LARS1: variants seen among roughly 807,000 people sequenced by gnomAD.
LARS1 encodes the protein leucine--tRNA ligase, cytoplasmic.
A neutral mutation model predicts 162.8 loss-of-function variants in LARS1; 100 were observed. That is an observed-to-expected ratio of 0.61 (90% confidence interval 0.52 to 0.73). The LOEUF (loss-of-function observed/expected upper bound fraction) is 0.73, where lower values mean the gene tolerates loss of function less well. Ranked by LOEUF, LARS1 falls within the 30% of genes least tolerant of loss-of-function variation. The pLI is 0.00. For missense variants in LARS1, 1,258 were observed against 1,408.9 expected, an observed-to-expected ratio of 0.89 and a Z score of 1.71; for synonymous variants, 457 against 462.8, an observed-to-expected ratio of 0.99 and a Z score of 0.16.
rs1752244805 is a variant in LARS1, at chr5:146,130,855, T to C, written c.2487+164A>G. On this transcript the variant is annotated intron_variant, in intron 24 of 31. Coordinates refer to ENST00000394434, the MANE Select transcript of LARS1 (RefSeq NM_020117.11). The stretch of plus-strand genomic sequence containing the variant: ...ACAATAGAAAAAATACCAAAGATAA[T>C]AACTTAAAATCACAATTTATTGAAG... 4 of 461,976 alleles carry C rather than the reference T, an allele frequency of 8.7e-6. No individual in the cohort carries two copies. In the East Asian group the frequency reaches 1.4e-4, roughly 16 times the overall value. 28.6% of individuals were successfully genotyped at this position (461,976 alleles called of 1,614,324 possible). A position where few individuals can be genotyped will look rare whatever the true frequency, so the allele number is the denominator to read the frequency against.
intron 20 of LARS1, among the ~76,000 whole-genome samples, chr5:146,142,274 C>CA (rs35320822): frequency 0.23 from 34,149 of 150,028 alleles, 4,828 homozygotes; most frequent in Admixed American, 0.34. Context: ...GACTCTGTCT[C>CA]AAAAAAAAAA....
At chr5:146,181,810 G>A (rs1754858586) in intron 1 of LARS1, among the ~76,000 whole-genome samples, 2 of 82,032 alleles carry the variant, frequency 2.4e-5, no homozygotes, top group Non-Finnish European at 4.9e-5. Flanking sequence ...TGAAAAGAGA[G>A]ATTTTTGTCT....
At chr5:146,152,768 TC>T (rs1753351938) in intron 13 of LARS1, among the ~76,000 whole-genome samples, 1 of 152,244 alleles carries the variant, frequency 6.6e-6, no homozygotes, top group African/African-American at 2.4e-5. Flanking sequence ...TAAAAGTTTT[TC>T]TTCTATAGAT....
At chr5:146,154,887 CT>C (rs1435494208) in intron 10 of LARS1, among the ~76,000 whole-genome samples, 3 of 151,896 alleles carry the variant, frequency 2.0e-5, no homozygotes, top group Non-Finnish European at 4.4e-5. Context: ...GAGTTCTGCT[CT>C]TGTTACTCAA....
At chr5:146,157,097 T>A (rs1264724724) in intron 10 of LARS1, among the ~76,000 whole-genome samples, 1 of 152,200 alleles carries the variant, frequency 6.6e-6, no homozygotes, top group African/African-American at 2.4e-5. Flanking sequence ...TATGTAAAGT[T>A]CAAGAACAAC....
chr5:146,174,924 A>C (rs1754485263), intron 2 of LARS1, among the ~76,000 whole-genome samples: 1 of 152,080 alleles, frequency 6.6e-6, no homozygotes, highest in Non-Finnish European at 1.5e-5. Context: ...TTTCTACAAA[A>C]GAAATTTTTT....
At chr5:146,122,379 A>C (rs1751864543) in intron 30 of LARS1, 113 bp downstream of exon 30, 3 of 597,202 alleles carry the variant, frequency 5.0e-6, no homozygotes, top group Non-Finnish European at 8.8e-6. Context: ...CAACCACTTA[A>C]TTTCTCTGGA....
At chr5:146,130,375 ATT>A (rs1752226652) in intron 24 of LARS1, 1 of 537,292 alleles carries the variant, frequency 1.9e-6, no homozygotes. Context: ...CAAAAAAAGA[ATT>A]TTTTTACAGA....
Position 146,157,681 on chromosome 5 carries a change from T to C in LARS1, c.839+47A>G, listed in dbSNP as rs138866123. 32 of 1,611,592 alleles carry C rather than the reference T, an allele frequency of 2.0e-5. No individual in the cohort carries two copies. The Admixed American group carries it at 4.2e-4, about 21-fold the overall frequency. On this transcript the variant is annotated intron_variant, in intron 9 of 31. Coordinates refer to ENST00000394434, the MANE Select transcript of LARS1 (RefSeq NM_020117.11). ...AAAAACATGTCAACTCTGTAACAAC[T>C]ATCTGATGGTTCAGAAATGATAAAG...
In LARS1 at chr5:146,164,090, GATA is replaced by G. The variant is rs140492299; in HGVS notation, c.594+217_594+219del. ...TCACTGAATATAGATCACCATAACA[GATA>G]ATAATAAAGTTTGAAATATTAAAAT... On this transcript the variant is annotated intron_variant, in intron 6 of 31. Transcript: ENST00000394434. Among the ~76,000 whole-genome samples the G allele has an allele frequency of 0.089, 13,601 of 152,056 alleles. 748 individuals are homozygous for G. The highest frequency in any genetic ancestry group is 0.15 in the African/African-American group (6,393 of 41,426).
rs1363237554 is a variant in LARS1, at chr5:146,164,350, G to A, written c.554C>T (p.Pro185Leu). 1.3e-5 allele frequency: 21 copies of A among 1,613,996 alleles called. No homozygotes were observed. Among genetic ancestry groups the A allele is most frequent in the Non-Finnish European group, 1.8e-5 (21 of 1,179,954 alleles). Residue 185 changes from proline to leucine, a missense_variant, in exon 6 of 32, where the codon CCG (proline) becomes CTG (leucine). Physicochemically the swap from Pro to Leu is moderately conservative, Grantham distance 98 (BLOSUM62 -3). Coordinates refer to ENST00000394434, the MANE Select transcript of LARS1 (RefSeq NM_020117.11). Reference sequence around the variant, plus strand: ...TTTTAAATCCTGAATAGCCAGTGGCGGGAAATAATCAAGCCAATGTTCTGC... The same window carrying A: ...TTTTAAATCCTGAATAGCCAGTGGCAGGAAATAATCAAGCCAATGTTCTGC... ...SEAEHWLDYF[P>L]PLAIQDLKRM...
In LARS1 at chr5:146,136,075, C is replaced by G. The variant is rs1030528610; in HGVS notation, c.2149-411G>C. Among the ~76,000 whole-genome samples the G allele has an allele frequency of 6.6e-5, 10 of 152,340 alleles. No homozygotes were observed. The East Asian group carries it at 1.9e-3, about 29-fold the overall frequency. On this transcript the variant is annotated intron_variant, in intron 21 of 31. Coordinates refer to ENST00000394434, the MANE Select transcript of LARS1 (RefSeq NM_020117.11). ...GGTTGGAGTTATGATTTTAGGAACCCTCCTATCATTAGGGTCACAAAAATC... is the reference window on the plus strand; with the variant it reads ...GGTTGGAGTTATGATTTTAGGAACCGTCCTATCATTAGGGTCACAAAAATC...
chr5:146,173,914 T>C (rs898203777), intron 2 of LARS1, among the ~76,000 whole-genome samples: 1 of 152,116 alleles, frequency 6.6e-6, no homozygotes, highest in Non-Finnish European at 1.5e-5. Flanking sequence ...ATACTTCATA[T>C]AGACTTCTGC....
intron 10 of LARS1, among the ~76,000 whole-genome samples, chr5:146,155,330 A>T (rs1753476433): frequency 6.6e-6 from 1 of 152,204 alleles, no homozygotes. Context: ...TTCTTAAACA[A>T]GTCTACCCAA....
At chr5:146,160,062 T>G (rs1366838448) in intron 7 of LARS1, among the ~76,000 whole-genome samples, 1 of 151,892 alleles carries the variant, frequency 6.6e-6, no homozygotes, top group African/African-American at 2.4e-5. Flanking sequence ...TACAAAAGAA[T>G]AGAAACAACA....
chr5:146,131,583 C>T (rs898193087), intron 23 of LARS1: 2 of 148,652 alleles, frequency 1.3e-5, no homozygotes, highest in African/African-American at 5.0e-5. Context: ...CCTCAAACTC[C>T]TAGGCTCAAA....
chr5:146,122,856 A>G (rs1305101955), intron 29 of LARS1, among the ~76,000 whole-genome samples: 1 of 152,042 alleles, frequency 6.6e-6, no homozygotes, highest in African/African-American at 2.4e-5. Flanking sequence ...TATAAAACAA[A>G]ATGAAAATCA....
chr5:146,125,956 C>A (rs1561798535), intron 28 of LARS1, among the ~76,000 whole-genome samples: 1 of 151,884 alleles, frequency 6.6e-6, no homozygotes, highest in Admixed American at 6.6e-5. Context: ...GCCAGGGATG[C>A]CATTACATAT....
Position 146,171,078 on chromosome 5 carries a change from C to T in LARS1, c.294+832G>A, listed in dbSNP as rs1448873936. Among the ~76,000 whole-genome samples the T allele has an allele frequency of 3.4e-5, 5 of 147,336 alleles. No individual in the cohort carries two copies. In the East Asian group the frequency reaches 6.2e-4, roughly 18 times the overall value. On this transcript the variant is annotated intron_variant, in intron 4 of 31. Coordinates refer to ENST00000394434, the MANE Select transcript of LARS1 (RefSeq NM_020117.11). ...TTTAAAATAAAAGGTTGCAGAAGGC[C>T]GGGCATGGTGGCTCACGCTTGTAAT...
Sources: allele counts gnomAD v4.1 joint callset (sites outside exome capture counted in the v4.1 genomes callset), GRCh38; gene constraint gnomAD v4.1.1; transcripts MANE v1.5; gene names NCBI Gene and HGNC (gene_info 2026-07-23, HGNC 2026-07-21).